Variants in SLC25A33 observed in about 807,000 individuals in gnomAD.
SLC25A33 encodes the protein solute carrier family 25 member 33, also known as bone marrow stromal cell mitochondrial carrier protein.
A neutral mutation model predicts 35.5 loss-of-function variants in SLC25A33; 15 were observed. The observed-to-expected ratio is 0.42, with a 90% confidence interval of 0.28 to 0.65. The LOEUF (loss-of-function observed/expected upper bound fraction) is 0.65. Ranked by LOEUF, SLC25A33 falls within the 30% of genes least tolerant of loss-of-function variation. The pLI is 0.20. For synonymous variants in SLC25A33, 136 were observed against 148.7 expected (o/e 0.91, Z 0.62); for missense variants, 257 against 398.5 (o/e 0.64, Z 3.02).
intron 1 of SLC25A33, among the ~76,000 whole-genome samples, chr1:9,541,420 A>G (rs1643080114): frequency 6.6e-6 from 1 of 152,106 alleles, no homozygotes; most frequent in Non-Finnish European, 1.5e-5. Context: ...AAGTGCTGGG[A>G]TTACAAGTGT....
intron 2 of SLC25A33, among the ~76,000 whole-genome samples, chr1:9,561,773 G>A (rs1424355433): frequency 6.6e-6 from 1 of 151,934 alleles, no homozygotes; most frequent in Non-Finnish European, 1.5e-5. Context: ...GCTGAACAGG[G>A]TACATTAATG....
chr1:9,553,901 T>A (rs1341800756), intron 2 of SLC25A33, 96 bp downstream of exon 2: 11 of 1,316,016 alleles, frequency 8.4e-6, no homozygotes, highest in Middle Eastern at 3.7e-4. Flanking sequence ...TGATGTTCTG[T>A]TTGCATAGCC....
intron 2 of SLC25A33, among the ~76,000 whole-genome samples, chr1:9,564,739 A>ATATATATATAT (rs1211262069): frequency 3.2e-4 from 31 of 96,534 alleles, no homozygotes; most frequent in Non-Finnish European, 5.0e-4. Context: ...AAAAAAAAAA[A>ATATATATATAT]ATATATATAT....
At chr1:9,553,941 T>C in intron 2 of SLC25A33, 136 bp downstream of exon 2, 1 of 1,028,448 alleles carries the variant, frequency 9.7e-7, no homozygotes, top group Non-Finnish European at 1.4e-6. Context: ...TAGATTTCTT[T>C]ACCAATACCT....
At chr1:9,547,302 A>G (rs373541757) in intron 1 of SLC25A33, among the ~76,000 whole-genome samples, 95 of 152,248 alleles carry the variant, frequency 6.2e-4, no homozygotes, top group African/African-American at 2.2e-3. Flanking sequence ...AAAAATACAA[A>G]AATTAGCCAA....
chr1:9,559,805 A>G (rs1643395365), intron 2 of SLC25A33, among the ~76,000 whole-genome samples: 1 of 152,006 alleles, frequency 6.6e-6, no homozygotes, highest in South Asian at 2.1e-4. Context: ...TTCTTCATTA[A>G]CCATCCCTAA....
intron 2 of SLC25A33, among the ~76,000 whole-genome samples, chr1:9,564,734 AAAAAAATATAT>A (rs1643475228): frequency 3.8e-5 from 3 of 79,946 alleles, no homozygotes; most frequent in African/African-American, 1.6e-4. Flanking sequence ...TTAAAAAAAA[AAAAAAATATAT>A]ATATATATAT....
chr1:9,547,709 T>C (rs1643201570), intron 1 of SLC25A33, among the ~76,000 whole-genome samples: 1 of 152,012 alleles, frequency 6.6e-6, no homozygotes, highest in Non-Finnish European at 1.5e-5. Context: ...CCTCCCCCAT[T>C]TCAAAACCCA....
At chr1:9,569,366 A>G (rs919371842) in intron 3 of SLC25A33, among the ~76,000 whole-genome samples, 1 of 152,182 alleles carries the variant, frequency 6.6e-6, no homozygotes, top group Non-Finnish European at 1.5e-5. Context: ...AGAAAGTACT[A>G]GTCTGTGAGA....
chr1:9,582,361 C>T lies in SLC25A33; in HGVS notation c.826C>T (p.Arg276Cys), dbSNP rs768767577. ...GTACAAGTCTTTTGTCCAGACGGCG[C>T]GCCTGGTGTTCCGGGAAGAAGGCTA... ...TKYKSFVQTA[R>C]LVFREEGYLA... is the part of the protein sequence containing the mutation. The change falls in exon 7 of 7, where the codon CGC becomes TGC. Residue 276 changes from arginine to cysteine, a missense_variant. Physicochemically the swap from Arg to Cys is radical, Grantham distance 180. Transcript: ENST00000302692. The surrounding 1 kb of genome is among the most constrained non-coding windows in gnomAD (Gnocchi z 4.0). 3.7e-5 allele frequency: 60 copies of T among 1,613,836 alleles called. No homozygotes were observed. Among genetic ancestry groups the T allele is most frequent in the Non-Finnish European group, 4.5e-5 (53 of 1,179,874 alleles).
chr1:9,553,525 G>A lies in SLC25A33; in HGVS notation c.57-101G>A, dbSNP rs1045530042. ...TGGGATTACAGGCGTGAGCCACCGC[G>A]CCCGGCACGTTCTAGTTTTAAAGAG... is the stretch of plus-strand genomic sequence containing the variant. On this transcript the variant is annotated intron_variant, in intron 1 of 6. Coordinates refer to ENST00000302692, the MANE Select transcript of SLC25A33 (RefSeq NM_032315.3). 1.1e-5 allele frequency: 15 copies of A among 1,383,392 alleles called. 1 individual carries two copies. The East Asian group carries it at 2.1e-4, about 19-fold the overall frequency. 85.7% of individuals were successfully genotyped at this position (1,383,392 alleles called of 1,614,324 possible).
chr1:9,573,639 G>C (rs966337888), intron 5 of SLC25A33, among the ~76,000 whole-genome samples: 4 of 152,130 alleles, frequency 2.6e-5, no homozygotes, highest in African/African-American at 9.7e-5. Flanking sequence ...GGATATCTCT[G>C]GTTGTGTCCC....
chr1:9,564,739 A>ATATATATATATATAT (rs1211262069), intron 2 of SLC25A33, among the ~76,000 whole-genome samples: 6 of 96,534 alleles, frequency 6.2e-5, no homozygotes, highest in Non-Finnish European at 1.0e-4. Flanking sequence ...AAAAAAAAAA[A>ATATATATATATATAT]ATATATATAT....
intron 2 of SLC25A33, among the ~76,000 whole-genome samples, chr1:9,565,578 G>T (rs772798459): frequency 2.7e-5 from 4 of 149,634 alleles, no homozygotes; most frequent in South Asian, 2.1e-4. Flanking sequence ...AAAAAAAAAA[G>T]TTTAAAATTA....
At position 9,578,029 on chromosome 1, in the gene SLC25A33, T is replaced by C. The variant is rs549379801; in HGVS notation, c.483-1925T>C. On this transcript the variant is annotated intron_variant, in intron 5 of 6. Transcript: ENST00000302692. This position sits in a 1 kb window ranked among gnomAD's most constrained non-coding sequence, Gnocchi z 4.3. Reference sequence around the variant, plus strand: ...GCTCCGCCTCCCGGGTGCACGCCATTCTCCTGCCTCAGCCTCCCGAGTAGC... The same window carrying C: ...GCTCCGCCTCCCGGGTGCACGCCATCCTCCTGCCTCAGCCTCCCGAGTAGC... 1.3e-5 allele frequency among the ~76,000 whole-genome samples: 2 copies of C among 152,214 alleles called. No individual in the cohort carries two copies. The highest frequency in any genetic ancestry group is 4.8e-5 in the African/African-American group (2 of 41,526).
chr1:9,574,370 C>T (rs1028950634), intron 5 of SLC25A33, among the ~76,000 whole-genome samples: 2 of 152,188 alleles, frequency 1.3e-5, no homozygotes, highest in South Asian at 2.1e-4. Flanking sequence ...GTATTACAGG[C>T]GTGAACCACC....
intron 3 of SLC25A33, among the ~76,000 whole-genome samples, chr1:9,567,604 G>A (rs1643530901): frequency 6.6e-6 from 1 of 152,180 alleles, no homozygotes; most frequent in Admixed American, 6.6e-5. Context: ...TATCATTACT[G>A]TAATGTACTT....
In SLC25A33 at chr1:9,582,588, C is replaced by T; in HGVS notation, c.*87C>T. 7.5e-7 allele frequency: 1 copy of T among 1,326,502 alleles called. No individual in the cohort carries two copies. The highest frequency in any genetic ancestry group is 1.0e-6 in the Non-Finnish European group (1 of 967,554). The allele number at this position is 1,326,502 out of a possible 1,614,324, so 82.2% of individuals were successfully genotyped here. ...CCATTGATGTTTAGAAAGTTTGAGA[C>T]TGAAACAGGAAAGGCCATAAAATAT... On this transcript the variant is annotated 3_prime_UTR_variant, in exon 7 of 7. Coordinates refer to ENST00000302692, the MANE Select transcript of SLC25A33 (RefSeq NM_032315.3). The surrounding 1 kb of genome is among the most constrained non-coding windows in gnomAD (Gnocchi z 4.0).
At chr1:9,559,801 A>T (rs1028256190) in intron 2 of SLC25A33, among the ~76,000 whole-genome samples, 2 of 152,160 alleles carry the variant, frequency 1.3e-5, no homozygotes, top group African/African-American at 4.8e-5. Context: ...CTGTTTCTTC[A>T]TTAACCATCC....
Sources: allele counts gnomAD v4.1 joint callset (sites outside exome capture counted in the v4.1 genomes callset), GRCh38; gene constraint gnomAD v4.1.1; non-coding constraint Gnocchi (gnomAD v3.1); transcripts MANE v1.5; gene names NCBI Gene and HGNC (gene_info 2026-07-23, HGNC 2026-07-21).